Variants in CAMK1D observed in about 807,000 individuals in gnomAD.
CAMK1D encodes calcium/calmodulin-dependent protein kinase type 1D.
A neutral mutation model predicts 47.7 loss-of-function variants in CAMK1D; 9 were observed. The ratio of observed to expected loss-of-function variants is 0.19; its 90% confidence interval spans 0.11 to 0.33. The LOEUF is 0.33. CAMK1D is among the 10% of genes least tolerant of loss of function. CAMK1D has a pLI of 1.00. For missense variants in CAMK1D, 291 were observed against 488.7 expected, an observed-to-expected ratio of 0.60 and a Z score of 3.81; for synonymous variants, 184 against 184.9, an observed-to-expected ratio of 0.99 and a Z score of 0.04.
chr10:12,545,712 A>C (rs142244609), intron 1 of CAMK1D, among the ~76,000 whole-genome samples: 2,502 of 151,896 alleles, frequency 0.016, 51 homozygotes, highest in African/African-American at 0.057. Context: ...AGGCAGGGGA[A>C]TCGCTTGAAC....
intron 1 of CAMK1D, among the ~76,000 whole-genome samples, chr10:12,532,553 ACAGGCGTGAGCC>A (rs1835844159): frequency 6.6e-6 from 1 of 152,218 alleles, no homozygotes; most frequent in Non-Finnish European, 1.5e-5. Flanking sequence ...TGCTGGGATT[ACAGGCGTGAGCC>A]ACCGTGCCCG....
At chr10:12,635,908 A>G (rs1353823318) in intron 2 of CAMK1D, among the ~76,000 whole-genome samples, 1 of 152,244 alleles carries the variant, frequency 6.6e-6, no homozygotes, top group Non-Finnish European at 1.5e-5. Flanking sequence ...ATAAGAGACA[A>G]TTCACTAGGC....
intron 5 of CAMK1D, among the ~76,000 whole-genome samples, chr10:12,788,055 G>A (rs1280253575): frequency 1.3e-5 from 2 of 152,176 alleles, no homozygotes; most frequent in Non-Finnish European, 2.9e-5. Context: ...GTATATTCTT[G>A]TTCAAATTCT....
chr10:12,659,811 A>T (rs138014867), intron 2 of CAMK1D, among the ~76,000 whole-genome samples: 1 of 152,164 alleles, frequency 6.6e-6, no homozygotes, highest in Non-Finnish European at 1.5e-5. Flanking sequence ...TAGAGTGACA[A>T]TGGTGGGTAG....
intron 1 of CAMK1D, among the ~76,000 whole-genome samples, chr10:12,406,271 G>C (rs1215138032): frequency 6.6e-6 from 1 of 152,158 alleles, no homozygotes; most frequent in Non-Finnish European, 1.5e-5. Context: ...TGGGGAAACA[G>C]CTCCCTCCCT....
intron 6 of CAMK1D, among the ~76,000 whole-genome samples, chr10:12,806,112 C>T (rs549516266): frequency 6.6e-6 from 1 of 152,282 alleles, no homozygotes; most frequent in Middle Eastern, 3.4e-3. Flanking sequence ...GCCCTGGGCA[C>T]AGAGAACGGT....
At chr10:12,425,297 T>TTTC (rs1840192442) in intron 1 of CAMK1D, among the ~76,000 whole-genome samples, 1 of 151,324 alleles carries the variant, frequency 6.6e-6, no homozygotes. Context: ...TTTTTTTTTT[T>TTTC]TTGAGACAGA....
Position 12,817,749 on chromosome 10 carries a change from G to T in CAMK1D, c.833+1421G>T, listed in dbSNP as rs564214294. ...TCCGTCACCCAGGCTGGAGTGCAGT[G>T]GGGCAGTCTCGGCTCACTGCAGCCT... On this transcript the variant is annotated intron_variant, in intron 8 of 10. Coordinates refer to ENST00000619168, the MANE Select transcript of CAMK1D (RefSeq NM_153498.4). 1.1e-4 allele frequency among the ~76,000 whole-genome samples: 16 copies of T among 152,244 alleles called. No individual in the cohort carries two copies. In the South Asian group the frequency reaches 3.3e-3, roughly 32 times the overall value.
At chr10:12,398,132 A>T (rs1839029422) in intron 1 of CAMK1D, among the ~76,000 whole-genome samples, 1 of 152,184 alleles carries the variant, frequency 6.6e-6, no homozygotes. Context: ...GCTAAATACC[A>T]CAGAGATTTG....
chr10:12,816,426 C>A, intron 8 of CAMK1D, 98 bp downstream of exon 8: 1 of 944,368 alleles, frequency 1.1e-6, no homozygotes, highest in South Asian at 1.6e-5. Context: ...GAAATCCACA[C>A]AGGATTATTA....
rs138169699 is a variant in CAMK1D, at chr10:12,652,856, T to C, written c.225-13880T>C. Among the ~76,000 whole-genome samples, 555 of 152,322 alleles carry C rather than the reference T, an allele frequency of 3.6e-3. 1 individual carries two copies. Among genetic ancestry groups the C allele is most frequent in the African/African-American group, 0.013 (526 of 41,580 alleles). On this transcript the variant is annotated intron_variant, in intron 2 of 10. Transcript: ENST00000619168. ...TTACACACCCCTCGTTTAAAAAACA[T>C]CAACAAAGCAAAACATGCTGCTCTT...
At chr10:12,478,754 T>C (rs930062023) in intron 1 of CAMK1D, among the ~76,000 whole-genome samples, 1 of 152,162 alleles carries the variant, frequency 6.6e-6, no homozygotes, top group Non-Finnish European at 1.5e-5. Context: ...TTCCTGTCTC[T>C]TGGGCACTGT....
intron 3 of CAMK1D, among the ~76,000 whole-genome samples, chr10:12,722,691 C>T (rs1588848768): frequency 6.6e-6 from 1 of 152,208 alleles, no homozygotes. Context: ...TGGACGAGGT[C>T]AGTTCAAAGG....
intron 8 of CAMK1D, among the ~76,000 whole-genome samples, chr10:12,821,252 A>G (rs1174606136): frequency 5.3e-5 from 8 of 152,228 alleles, no homozygotes; most frequent in Non-Finnish European, 7.3e-5. Context: ...CTCAAAGTCT[A>G]CTGATTGAAA....
rs539350566 is a variant in CAMK1D at position 12,576,434 on chromosome 10, G to A, written c.224+23078G>A. Among the ~76,000 whole-genome samples the A allele has an allele frequency of 1.3e-5, 2 of 152,120 alleles. 1 individual carries two copies. Among genetic ancestry groups the A allele is most frequent in the Non-Finnish European group, 2.9e-5 (2 of 68,030 alleles). On this transcript the variant is annotated intron_variant, in intron 2 of 10. Transcript: ENST00000619168. ...GGGTGATGATATCAGGATGATTCAT[G>A]TGCATTACATTTATTGTGTACTTTA...
At chr10:12,426,074 G>A (rs919495899) in intron 1 of CAMK1D, among the ~76,000 whole-genome samples, 7 of 152,072 alleles carry the variant, frequency 4.6e-5, no homozygotes, top group Admixed American at 1.3e-4. Context: ...TTAGTGCACC[G>A]TTCATGATAA....
intron 2 of CAMK1D, among the ~76,000 whole-genome samples, chr10:12,619,132 C>G (rs1838911787): frequency 6.6e-6 from 1 of 152,180 alleles, no homozygotes; most frequent in African/African-American, 2.4e-5. Flanking sequence ...ATGGTAAATG[C>G]ATTTGAGTGC....
At chr10:12,604,899 T>G (rs1393613911) in intron 2 of CAMK1D, among the ~76,000 whole-genome samples, 1 of 151,830 alleles carries the variant, frequency 6.6e-6, no homozygotes, top group Non-Finnish European at 1.5e-5. Context: ...TTTTCTTTTT[T>G]TTTTTTGAGA....
At chr10:12,761,110 C>G (rs771625599) in intron 4 of CAMK1D, 24 bp downstream of exon 4, 1 of 1,607,734 alleles carries the variant, frequency 6.2e-7, no homozygotes, top group Non-Finnish European at 8.5e-7. Context: ...TCAGCAGCAT[C>G]CTGCAGCCAC....
Sources: gnomAD v4.1 joint callset for allele counts (sites outside exome capture counted in the v4.1 genomes callset) on GRCh38, gnomAD v4.1.1 for gene constraint, MANE v1.5 for transcripts, NCBI Gene and HGNC (gene_info 2026-07-23, HGNC 2026-07-21) for gene names.